The following MGAT4C variants were observed in gnomAD, a reference collection of about 807,000 sequenced individuals.
MGAT4C encodes the protein alpha-1,3-mannosyl-glycoprotein 4-beta-N-acetylglucosaminyltransferase C.
In MGAT4C, 19 loss-of-function variants were observed where a neutral mutation model predicts 40.1. The ratio of observed to expected loss-of-function variants is 0.47; its 90% CI spans 0.33 to 0.70. The LOEUF (loss-of-function observed/expected upper bound fraction) is 0.70. Among genes scored for constraint, MGAT4C ranks in the 30% least tolerant of loss-of-function variants. MGAT4C has a pLI of 0.02. For synonymous variants in MGAT4C, 181 were observed against 187.1 expected, an observed-to-expected ratio of 0.97 and a Z score of 0.27; for missense variants, 491 against 563.2, an observed-to-expected ratio of 0.87 and a Z score of 1.30.
In MGAT4C at chr12:86,358,306, T is replaced by G. The variant is rs574424841; in HGVS notation, c.-119-24179A>C. On this transcript the variant is annotated intron_variant, in intron 3 of 7. Transcript: ENST00000548651. ...AGATTTTGTCACCACCAGGCCTGCC[T>G]TCCAAGAGGTCCTGAAGGAAGCACT... Among the ~76,000 whole-genome samples the G allele has an allele frequency of 3.2e-4, 49 of 152,234 alleles. 1 individual carries two copies. The South Asian group carries it at 0.01, about 32-fold the overall frequency.
intron 1 of MGAT4C, among the ~76,000 whole-genome samples, chr12:86,802,219 T>A (rs546700402): frequency 5.0e-4 from 76 of 152,066 alleles, no homozygotes; most frequent in African/African-American, 1.6e-3. Context: ...CAGCTTTTTG[T>A]CAGTACCTGG....
intron 3 of MGAT4C, among the ~76,000 whole-genome samples, chr12:86,431,328 T>C (rs1957035232): frequency 6.6e-6 from 1 of 152,108 alleles, no homozygotes; most frequent in Admixed American, 6.5e-5. Context: ...GCCATACCAT[T>C]TTGCCTAGAG....
At chr12:86,573,328 T>C (rs922916241) in intron 2 of MGAT4C, among the ~76,000 whole-genome samples, 1 of 151,952 alleles carries the variant, frequency 6.6e-6, no homozygotes. Context: ...ACTAAAGGGG[T>C]TATCTGAAAG....
chr12:86,113,922 A>G (rs1288689615), intron 1 of MGAT4C, among the ~76,000 whole-genome samples: 1 of 151,926 alleles, frequency 6.6e-6, no homozygotes, highest in African/African-American at 2.4e-5. Context: ...CTCATGAGGA[A>G]AGGAAAAATC....
intron 2 of MGAT4C, among the ~76,000 whole-genome samples, chr12:86,563,994 T>C (rs1292308707): frequency 6.6e-6 from 1 of 152,160 alleles, no homozygotes; most frequent in Non-Finnish European, 1.5e-5. Flanking sequence ...TGGAATCCAG[T>C]AGAGCTGCCT....
chr12:86,300,535 AG>A (rs1486780394), intron 4 of MGAT4C, among the ~76,000 whole-genome samples: 1 of 152,180 alleles, frequency 6.6e-6, no homozygotes, highest in Non-Finnish European at 1.5e-5. Flanking sequence ...AAAACAGAGA[AG>A]GGTGGTTCCT....
chr12:86,297,142 A>G (rs1430360960), intron 4 of MGAT4C, among the ~76,000 whole-genome samples: 5 of 152,186 alleles, frequency 3.3e-5, no homozygotes. Flanking sequence ...AAAGATAAAC[A>G]TGGAAGTTTA....
At chr12:86,039,195 T>C (rs1425672081) in intron 2 of MGAT4C, among the ~76,000 whole-genome samples, 1 of 152,172 alleles carries the variant, frequency 6.6e-6, no homozygotes, top group Non-Finnish European at 1.5e-5. Flanking sequence ...TGATTATGTG[T>C]CTTGGGGTTG....
chr12:86,188,651 T>C (rs1222529845), intron 1 of MGAT4C, among the ~76,000 whole-genome samples: 1 of 152,002 alleles, frequency 6.6e-6, no homozygotes, highest in African/African-American at 2.4e-5. Context: ...TTTTGGAAGT[T>C]TGAACAATTG....
At chr12:86,377,371 A>G (rs1955849539) in intron 3 of MGAT4C, among the ~76,000 whole-genome samples, 1 of 152,076 alleles carries the variant, frequency 6.6e-6, no homozygotes, top group Admixed American at 6.6e-5. Context: ...CATTTACATT[A>G]TTAACCACAA....
intron 2 of MGAT4C, among the ~76,000 whole-genome samples, chr12:86,636,906 T>C (rs1011349933): frequency 3.0e-4 from 45 of 152,054 alleles, no homozygotes; most frequent in Admixed American, 3.0e-3. Flanking sequence ...TACCCTATAA[T>C]AATTCCATAA....
chr12:86,423,714 T>C (rs1184951942), intron 3 of MGAT4C, among the ~76,000 whole-genome samples: 2 of 152,182 alleles, frequency 1.3e-5, no homozygotes, highest in Non-Finnish European at 2.9e-5. Flanking sequence ...AAAATATCCA[T>C]TCATAATGTA....
intron 4 of MGAT4C, among the ~76,000 whole-genome samples, chr12:86,296,943 C>T (rs1036117001): frequency 1.8e-4 from 28 of 152,324 alleles, no homozygotes; most frequent in Admixed American, 3.3e-4. Flanking sequence ...ACTGCCAGCA[C>T]GCTGTCACCT....
At chr12:86,592,933 T>C (rs532032905) in intron 2 of MGAT4C, among the ~76,000 whole-genome samples, 1 of 152,318 alleles carries the variant, frequency 6.6e-6, no homozygotes, top group South Asian at 2.1e-4. Context: ...TGCATAGCAG[T>C]CATTTGTGAA....
At chr12:86,106,778 C>A (rs953967720) in intron 1 of MGAT4C, among the ~76,000 whole-genome samples, 6 of 152,032 alleles carry the variant, frequency 3.9e-5, no homozygotes, top group African/African-American at 1.2e-4. Flanking sequence ...CTACTAAATT[C>A]AATTTCTTCC....
At chr12:86,075,007 A>C (rs930819967) in intron 1 of MGAT4C, among the ~76,000 whole-genome samples, 2 of 152,102 alleles carry the variant, frequency 1.3e-5, no homozygotes, top group African/African-American at 4.8e-5. Context: ...TCATGTCCTC[A>C]CATTTCAATA....
intron 2 of MGAT4C, chr12:86,001,737 G>C (rs1887320371): frequency 1.5e-6 from 1 of 653,210 alleles, no homozygotes. Flanking sequence ...TTCTGTCTTT[G>C]AGTGGGAATT....
intron 4 of MGAT4C, among the ~76,000 whole-genome samples, chr12:86,266,105 T>C (rs1952780655): frequency 6.6e-6 from 1 of 152,198 alleles, no homozygotes; most frequent in Non-Finnish European, 1.5e-5. Flanking sequence ...TGACTTGCTC[T>C]TTTCGAGTTT....
intron 1 of MGAT4C, among the ~76,000 whole-genome samples, chr12:86,735,488 G>C (rs1293705023): frequency 6.6e-6 from 1 of 151,902 alleles, no homozygotes; most frequent in East Asian, 1.9e-4. Flanking sequence ...TTGCCTGGAA[G>C]CAGCACAAGG....
Sources: allele counts gnomAD v4.1 joint callset (sites outside exome capture counted in the v4.1 genomes callset), GRCh38; gene constraint gnomAD v4.1.1; transcripts MANE v1.5; gene names NCBI Gene and HGNC (gene_info 2026-07-23, HGNC 2026-07-21).